Variants in LIMCH1 observed in about 807,000 individuals in gnomAD.
The protein encoded by LIMCH1 is LIM and calponin homology domains 1.
Under a neutral mutation model 176.5 loss-of-function variants are expected in LIMCH1, and 113 were observed. The ratio of observed to expected loss-of-function variants is 0.64; its 90% confidence interval spans 0.55 to 0.75. LIMCH1 has a LOEUF of 0.75. LIMCH1 is among the 30% of genes least tolerant of loss of function. LIMCH1 has a pLI of 0.00. For missense variants in LIMCH1, 1,674 were observed against 1,814.9 expected, an observed-to-expected ratio of 0.92 and a Z score of 1.41; for synonymous variants, 619 against 645.9, an observed-to-expected ratio of 0.96 and a Z score of 0.63.
At chr4:41,588,757 CAG>C (rs1279396453) in intron 1 of LIMCH1, among the ~76,000 whole-genome samples, 3 of 152,182 alleles carry the variant, frequency 2.0e-5, no homozygotes, top group Admixed American at 2.0e-4. Context: ...GCCTCCGCCA[CAG>C]AGAGAGGCCC....
intron 2 of LIMCH1, among the ~76,000 whole-genome samples, chr4:41,502,582 T>G (rs912110336): frequency 6.6e-6 from 1 of 152,198 alleles, no homozygotes; most frequent in African/African-American, 2.4e-5. Context: ...TTGTTTGACT[T>G]TTTAATAATC....
At chr4:41,592,836 A>G (rs1466279706) in intron 1 of LIMCH1, among the ~76,000 whole-genome samples, 1 of 152,168 alleles carries the variant, frequency 6.6e-6, no homozygotes, top group Non-Finnish European at 1.5e-5. Context: ...GTTCCTTGAT[A>G]TGTTTGTTAT....
At chr4:41,582,269 C>T (rs1225278542) in intron 1 of LIMCH1, among the ~76,000 whole-genome samples, 1 of 152,146 alleles carries the variant, frequency 6.6e-6, no homozygotes, top group Non-Finnish European at 1.5e-5. Flanking sequence ...TTCCTACCAC[C>T]GTGGATCAGG....
At chr4:41,405,628 A>G (rs140105541) in intron 1 of LIMCH1, among the ~76,000 whole-genome samples, 2 of 152,214 alleles carry the variant, frequency 1.3e-5, no homozygotes, top group African/African-American at 2.4e-5. Context: ...CTCTCACCCT[A>G]CAGGCCTTAC....
intron 1 of LIMCH1, among the ~76,000 whole-genome samples, chr4:41,541,920 A>C (rs1318863170): frequency 2.6e-5 from 4 of 152,212 alleles, no homozygotes; most frequent in Non-Finnish European, 5.9e-5. Context: ...CATAAAGGAC[A>C]CAACTTGAAA....
At chr4:41,517,160 G>C (rs1255738359) in intron 2 of LIMCH1, among the ~76,000 whole-genome samples, 6 of 152,096 alleles carry the variant, frequency 3.9e-5, no homozygotes, top group African/African-American at 1.4e-4. Flanking sequence ...AGGACTTCCG[G>C]GTGTCAACAT....
chr4:41,694,626 G>A (rs1022051523), intron 31 of LIMCH1, among the ~76,000 whole-genome samples: 3 of 152,018 alleles, frequency 2.0e-5, no homozygotes, highest in Admixed American at 6.6e-5. Flanking sequence ...CCATTGTGTG[G>A]ACTTATAATT....
chr4:41,539,196 T>C (rs147342745), intron 1 of LIMCH1, among the ~76,000 whole-genome samples: 1 of 152,268 alleles, frequency 6.6e-6, no homozygotes, highest in East Asian at 1.9e-4. Flanking sequence ...TTCAGCCAGC[T>C]CCTGATTGTG....
chr4:41,566,523 T>G (rs992015232), intron 1 of LIMCH1, among the ~76,000 whole-genome samples: 2 of 151,906 alleles, frequency 1.3e-5, no homozygotes, highest in African/African-American at 4.8e-5. Context: ...TGAAGGACAG[T>G]TGGGTGAAAG....
intron 1 of LIMCH1, among the ~76,000 whole-genome samples, chr4:41,441,134 T>C (rs1405632809): frequency 6.6e-6 from 1 of 152,206 alleles, no homozygotes; most frequent in Non-Finnish European, 1.5e-5. Flanking sequence ...CATGTATTGC[T>C]AGGGATTTTT....
Position 41,644,482 on chromosome 4 carries a change from C to G in LIMCH1, c.2127-18C>G. On this transcript the variant is annotated intron_variant, in intron 14 of 31. Transcript: ENST00000503057. ...CGCTGATCGCGGTCCCTCTTGTGTT[C>G]GCTCTCTCCACACTCAGGAGCACCA... is the stretch of plus-strand genomic sequence containing the variant. 6.6e-7 allele frequency: 1 copy of G among 1,514,972 alleles called. No individual in the cohort carries two copies. Among genetic ancestry groups the G allele is most frequent in the Non-Finnish European group, 8.9e-7 (1 of 1,127,168 alleles). 93.8% of individuals were successfully genotyped at this position (1,514,972 alleles called of 1,614,324 possible).
At chr4:41,462,194 G>C (rs2065471209) in intron 1 of LIMCH1, among the ~76,000 whole-genome samples, 1 of 152,148 alleles carries the variant, frequency 6.6e-6, no homozygotes, top group African/African-American at 2.4e-5. Context: ...ATTTGGGAGG[G>C]GGCAGTATGT....
At chr4:41,384,650 G>C (rs10016429) in intron 1 of LIMCH1, among the ~76,000 whole-genome samples, 2 of 152,192 alleles carry the variant, frequency 1.3e-5, no homozygotes, top group Admixed American at 6.5e-5. Context: ...AGTGGCATTT[G>C]CTGAGATTTG....
rs568032011 is a variant in LIMCH1, at chr4:41,444,202, T to A, written c.97-50334T>A. Among the ~76,000 whole-genome samples, 3 of 152,208 alleles carry A rather than the reference T, an allele frequency of 2.0e-5. No homozygotes were observed. The South Asian group carries it at 6.2e-4, about 32-fold the overall frequency. ...TATGTTCTGGCAGGTATTCTTTGTATAAAAATTCTGTTTTTACTACTCCTA... is the reference window on the plus strand; with the variant it reads ...TATGTTCTGGCAGGTATTCTTTGTAAAAAAATTCTGTTTTTACTACTCCTA... On this transcript the variant is annotated intron_variant, in intron 1 of 26. Transcript: ENST00000313860.
chr4:41,443,601 G>C (rs1251352738), intron 1 of LIMCH1, among the ~76,000 whole-genome samples: 1 of 152,162 alleles, frequency 6.6e-6, no homozygotes, highest in African/African-American at 2.4e-5. Context: ...TGATCCAAAA[G>C]TACCATTTCC....
exon 3 of LIMCH1, chr4:41,524,426 A>G (rs2076422678): frequency 6.2e-7 from 1 of 1,613,848 alleles, no homozygotes; most frequent in African/African-American, 1.3e-5. Flanking sequence ...AATGCTATAA[A>G]GCCAGGACTT....
At chr4:41,360,252 G>A (rs1223125776), upstream of LIMCH1, among the ~76,000 whole-genome samples, 1 of 152,024 alleles carries the variant, frequency 6.6e-6, no homozygotes, top group Non-Finnish European at 1.5e-5. The surrounding 1 kb of genome is among the most constrained non-coding windows in gnomAD (Gnocchi z 4.5). Flanking sequence ...CGGGCCAGGG[G>A]CTGCCCCGCC....
chr4:41,454,654 TGG>T (rs1209178922), intron 1 of LIMCH1, among the ~76,000 whole-genome samples: 1 of 152,126 alleles, frequency 6.6e-6, no homozygotes, highest in African/African-American at 2.4e-5. Flanking sequence ...GTGTATCTAG[TGG>T]CAGTGCACAT....
In LIMCH1 at chr4:41,641,002, G is replaced by A. The variant is rs149100952; in HGVS notation, c.2126+2035G>A. On this transcript the variant is annotated intron_variant, in intron 14 of 31. Transcript: ENST00000503057. ...GGCCCACCAAAGGAGTCGGTACGTTGTGAGAGCCATAGGCCATTTTATTCT... is the reference window on the plus strand; with the variant it reads ...GGCCCACCAAAGGAGTCGGTACGTTATGAGAGCCATAGGCCATTTTATTCT... 7.2e-5 allele frequency among the ~76,000 whole-genome samples: 11 copies of A among 152,298 alleles called. No homozygotes were observed. The East Asian group carries it at 1.9e-3, about 27-fold the overall frequency.
Sources: gnomAD v4.1 joint callset for allele counts (sites outside exome capture counted in the v4.1 genomes callset) on GRCh38, gnomAD v4.1.1 for gene constraint, Gnocchi (gnomAD v3.1) non-coding constraint, MANE v1.5 for transcripts, NCBI Gene and HGNC (gene_info 2026-07-23, HGNC 2026-07-21) for gene names.